Variants in ZNF106 observed in about 807,000 individuals in gnomAD.
The protein encoded by ZNF106 is zinc finger protein 106.
A neutral mutation model predicts 195.1 loss-of-function variants in ZNF106; 67 were observed. The observed-to-expected ratio is 0.34, with a 90% CI of 0.28 to 0.42. ZNF106 has a LOEUF of 0.42. ZNF106 is among the 10% of genes least tolerant of loss of function. ZNF106 has a pLI of 1.00. For missense variants in ZNF106, 2,118 were observed against 2,304.5 expected (o/e 0.92, Z 1.66); for synonymous variants, 784 against 818.6 (o/e 0.96, Z 0.72).
At chr15:42,461,960 C>G (rs1281769144) in intron 3 of ZNF106, among the ~76,000 whole-genome samples, 2 of 152,136 alleles carry the variant, frequency 1.3e-5, no homozygotes, top group African/African-American at 4.8e-5. Context: ...ATTTTGTAAG[C>G]TGGTTTTTCT....
chr15:42,489,568 T>G (rs543520064), intron 1 of ZNF106, among the ~76,000 whole-genome samples: 173 of 152,262 alleles, frequency 1.1e-3, no homozygotes, highest in African/African-American at 3.9e-3. Flanking sequence ...GAGTTAACTC[T>G]AGGCATGGCG....
Position 42,444,814 on chromosome 15 carries a change from CA to C in ZNF106, c.3360+12del, listed in dbSNP as rs749243828. The C allele has an allele frequency of 6.2e-7, 1 of 1,612,736 alleles. No individual in the cohort carries two copies. Among genetic ancestry groups the C allele is most frequent in the Non-Finnish European group, 8.5e-7 (1 of 1,179,582 alleles). On this transcript the variant is annotated intron_variant, in intron 8 of 21. Transcript: ENST00000564754. Reference sequence around the variant, plus strand: ...GATGATCCATTTTTATTAAATCCTCCACATGCTGTTACCTGCTGCTTGAGCA... The same window carrying C: ...GATGATCCATTTTTATTAAATCCTCCCATGCTGTTACCTGCTGCTTGAGCA...
Position 42,440,997 on chromosome 15 carries a change from AAATATATATATATAT to A in ZNF106, c.3763+1061_3763+1075del, listed in dbSNP as rs1390337311. 4.3e-4 allele frequency among the ~76,000 whole-genome samples: 22 copies of A among 51,638 alleles called. 1 individual carries two copies. The highest frequency in any genetic ancestry group is 2.5e-3 in the African/African-American group (20 of 8,014). 33.9% of individuals were successfully genotyped at this position (51,638 alleles called of 152,430 possible). A position where few individuals can be genotyped will look rare whatever the true frequency, so the allele number is the denominator to read the frequency against. ...GAAACTCTGTCTAAAAAAAAAAAAA[AAATATATATATATAT>A]ATATATATATATATATATATATATA... is the stretch of plus-strand genomic sequence containing the variant. On this transcript the variant is annotated intron_variant, in intron 10 of 21. Coordinates refer to ENST00000564754, the MANE Select transcript of ZNF106 (RefSeq NM_001366845.3).
At position 42,457,051 on chromosome 15, in the gene ZNF106, T is replaced by C. The variant is rs2056251602; in HGVS notation, c.224A>G (p.Glu75Gly). The C allele has an allele frequency of 1.2e-6, 2 of 1,611,080 alleles. No homozygotes were observed. Among genetic ancestry groups the C allele is most frequent in the Admixed American group, 1.7e-5 (1 of 59,332 alleles). Residue 75 changes from glutamate to glycine, a missense_variant, in exon 4 of 22, where the codon GAA becomes GGA. Transcript: ENST00000564754. Reference sequence around the variant, plus strand: ...CTCTCCTTTTCCATCATCTTCTCTTTCCTGGGCATCAACGTTATCTTTGTG... The same window carrying C: ...CTCTCCTTTTCCATCATCTTCTCTTCCCTGGGCATCAACGTTATCTTTGTG... ...QLHKDNVDAQEREDDGKGEEE... is the reference protein window; with the variant it reads ...QLHKDNVDAQGREDDGKGEEE...
At chr15:42,427,052 A>G (rs528872696) in intron 15 of ZNF106, among the ~76,000 whole-genome samples, 1 of 152,332 alleles carries the variant, frequency 6.6e-6, no homozygotes, top group South Asian at 2.1e-4. Flanking sequence ...CTGTAATAGT[A>G]CCATTCTAAC....
intron 13 of ZNF106, 76 bp downstream of exon 13, chr15:42,437,156 T>G: frequency 1.3e-6 from 2 of 1,493,484 alleles, no homozygotes; most frequent in South Asian, 2.6e-5. Context: ...CAAATTCCCT[T>G]TATTGTTTAA....
At chr15:42,483,717 G>A (rs2141457669) in intron 1 of ZNF106, among the ~76,000 whole-genome samples, 1 of 152,272 alleles carries the variant, frequency 6.6e-6, no homozygotes, top group Admixed American at 6.5e-5. Flanking sequence ...ACATAGGTTT[G>A]AGCTACTTTC....
At chr15:42,428,338 T>G (rs1198457058) in intron 14 of ZNF106, among the ~76,000 whole-genome samples, 1 of 152,110 alleles carries the variant, frequency 6.6e-6, no homozygotes, top group Non-Finnish European at 1.5e-5. Context: ...ATATGAAAAA[T>G]AAACATAAAT....
intron 1 of ZNF106, among the ~76,000 whole-genome samples, chr15:42,474,438 T>A (rs2056745430): frequency 6.6e-6 from 1 of 152,202 alleles, no homozygotes; most frequent in African/African-American, 2.4e-5. Flanking sequence ...TTACTAAATG[T>A]GAGTTTAGTA....
chr15:42,434,107 A>G (rs1444841202), intron 14 of ZNF106, among the ~76,000 whole-genome samples: 2 of 152,142 alleles, frequency 1.3e-5, no homozygotes, highest in Non-Finnish European at 1.5e-5. Flanking sequence ...CTGGCCTCCC[A>G]AAGTGCTGGG....
chr15:42,471,867 T>A (rs950141444), intron 2 of ZNF106, among the ~76,000 whole-genome samples: 1 of 152,218 alleles, frequency 6.6e-6, no homozygotes, highest in Non-Finnish European at 1.5e-5. Flanking sequence ...AGATGCTATA[T>A]CCTTAGCTAA....
chr15:42,466,556 G>A (rs2056520640), intron 2 of ZNF106, among the ~76,000 whole-genome samples: 2 of 152,020 alleles, frequency 1.3e-5, no homozygotes, highest in African/African-American at 2.4e-5. Context: ...TCTTGGACAG[G>A]GCCTAGCATA....
At chr15:42,422,760 A>C in intron 17 of ZNF106, 140 bp from the exon 18 acceptor site, 1 of 765,690 alleles carries the variant, frequency 1.3e-6, no homozygotes, top group Non-Finnish European at 1.9e-6. Context: ...AACTGTACAA[A>C]TACAGTTAAT....
intron 2 of ZNF106, among the ~76,000 whole-genome samples, chr15:42,468,456 G>C (rs964899914): frequency 6.6e-6 from 1 of 151,982 alleles, no homozygotes; most frequent in East Asian, 1.9e-4. Context: ...TTCATAAGGA[G>C]AGAGTAGGCC....
chr15:42,458,425 A>G (rs1008920555), intron 3 of ZNF106, among the ~76,000 whole-genome samples: 15 of 151,682 alleles, frequency 9.9e-5, no homozygotes, highest in African/African-American at 3.6e-4. Context: ...AAAAAAAAAA[A>G]GGCCGGGCTT....
chr15:42,444,920 T>G lies in ZNF106; in HGVS notation c.3267A>C (p.Ser1089=). 1 of 1,614,206 alleles carries G rather than the reference T, an allele frequency of 6.2e-7. No individual in the cohort carries two copies. Among genetic ancestry groups the G allele is most frequent in the Non-Finnish European group, 8.5e-7 (1 of 1,180,032 alleles). The change falls in exon 8 of 22, where the codon TCA becomes TCC. Residue 1089 remains serine, a synonymous_variant. Transcript: ENST00000564754. ...GAAGATTGTTATCCATGCACTGCAATGACTTACTAAGTTCTTCCTCCCTTA... is the reference window on the plus strand; with the variant it reads ...GAAGATTGTTATCCATGCACTGCAAGGACTTACTAAGTTCTTCCTCCCTTA... ...ISLREEELSK[S]LQCMDNNLLQ...
At position 42,420,592 on chromosome 15, in the gene ZNF106, A is replaced by G. The variant is rs115169607; in HGVS notation, c.5517+469T>C. On this transcript the variant is annotated intron_variant, in intron 20 of 21. Coordinates refer to ENST00000564754, the MANE Select transcript of ZNF106 (RefSeq NM_001366845.3). Reference sequence around the variant, plus strand: ...AGCTACCATTGTTAGAACTGACGAAAAAAAAATTAAGGCTTATAAGAAATA... The same window carrying G: ...AGCTACCATTGTTAGAACTGACGAAGAAAAAATTAAGGCTTATAAGAAATA... Among the ~76,000 whole-genome samples, 1,333 of 152,312 alleles carry G rather than the reference A, an allele frequency of 8.8e-3. 22 individuals carry two copies. The highest frequency in any genetic ancestry group is 0.031 in the African/African-American group (1,271 of 41,556).
chr15:42,434,343 A>G (rs550910875), intron 14 of ZNF106, among the ~76,000 whole-genome samples: 2 of 152,244 alleles, frequency 1.3e-5, no homozygotes, highest in Admixed American at 1.3e-4. Flanking sequence ...AAACAAACAA[A>G]CAAAAAAAAC....
At chr15:42,458,035 A>T (rs1005477575) in intron 3 of ZNF106, among the ~76,000 whole-genome samples, 2 of 152,162 alleles carry the variant, frequency 1.3e-5, no homozygotes, top group Admixed American at 6.6e-5. Flanking sequence ...GCTTCTGGAA[A>T]TCCCTTGACT....
Sources: allele counts gnomAD v4.1 joint callset (sites outside exome capture counted in the v4.1 genomes callset), GRCh38; gene constraint gnomAD v4.1.1; transcripts MANE v1.5; gene names NCBI Gene and HGNC (gene_info 2026-07-23, HGNC 2026-07-21).